Variants in OCA2 observed in about 807,000 individuals in gnomAD.
The protein encoded by OCA2 is P protein.
OCA2 carries 77 observed loss-of-function variants against 100.2 expected under a neutral mutation model. That is an observed-to-expected ratio of 0.77 (90% CI 0.64 to 0.93). The LOEUF (loss-of-function observed/expected upper bound fraction) is 0.93, where lower values mean the gene tolerates loss of function less well. OCA2 is among the 40% of genes least tolerant of loss of function. The pLI is 0.00. For synonymous variants in OCA2, 432 were observed against 439.2 expected (o/e 0.98, Z 0.21); for missense variants, 1,062 against 1,089.1 (o/e 0.98, Z 0.35).
intron 11 of OCA2, among the ~76,000 whole-genome samples, chr15:27,987,448 G>A (rs1193796288): frequency 2.6e-5 from 4 of 152,078 alleles, no homozygotes; most frequent in African/African-American, 4.8e-5. Context: ...GGCTGGGTGT[G>A]GTGGCTCACG....
chr15:27,814,160 T>C (rs2151233005), intron 23 of OCA2, among the ~76,000 whole-genome samples: 1 of 152,334 alleles, frequency 6.6e-6, no homozygotes, highest in South Asian at 2.1e-4. Context: ...TATTTAACTA[T>C]GTATTTGTAC....
At chr15:27,815,700 C>T (rs550704759) in intron 23 of OCA2, among the ~76,000 whole-genome samples, 5 of 152,326 alleles carry the variant, frequency 3.3e-5, no homozygotes, top group African/African-American at 1.2e-4. Context: ...CATGTGACCA[C>T]GAGTGAGTGG....
At chr15:27,936,604 C>T (rs1191538727) in intron 18 of OCA2, among the ~76,000 whole-genome samples, 1 of 152,160 alleles carries the variant, frequency 6.6e-6, no homozygotes, top group Non-Finnish European at 1.5e-5. Flanking sequence ...GTGTGTATTA[C>T]CTGATTCAAT....
chr15:27,866,377 A>T (rs72710557), intron 21 of OCA2, among the ~76,000 whole-genome samples: 1 of 152,172 alleles, frequency 6.6e-6, no homozygotes, highest in East Asian at 1.9e-4. Context: ...GGAGGTGCAC[A>T]GCTAGGGTCT....
At chr15:27,988,296 G>A (rs2041429614) in intron 11 of OCA2, among the ~76,000 whole-genome samples, 1 of 151,844 alleles carries the variant, frequency 6.6e-6, no homozygotes, top group Non-Finnish European at 1.5e-5. Flanking sequence ...AAAACGTGCT[G>A]AAGCCATTTT....
At chr15:27,763,579 T>TG (rs2031010730) in intron 23 of OCA2, among the ~76,000 whole-genome samples, 1 of 152,208 alleles carries the variant, frequency 6.6e-6, no homozygotes, top group Non-Finnish European at 1.5e-5. Context: ...TGGGCAATGA[T>TG]GCGGCTGCTG....
At chr15:28,034,497 C>T (rs2042992731) in intron 2 of OCA2, among the ~76,000 whole-genome samples, 3 of 152,060 alleles carry the variant, frequency 2.0e-5, no homozygotes, top group Admixed American at 2.0e-4. Flanking sequence ...AATAATGAGC[C>T]GGGCACAGTG....
At chr15:27,886,013 GGGAAGGCTGCCCTGA>G (rs1165390169) in intron 19 of OCA2, among the ~76,000 whole-genome samples, 2 of 152,196 alleles carry the variant, frequency 1.3e-5, no homozygotes, top group Non-Finnish European at 2.9e-5. Context: ...CGCAGGGCCA[GGGAAGGCTGCCCTGA>G]GGATGGATAT....
chr15:27,989,076 G>T (rs1043544385), intron 11 of OCA2, among the ~76,000 whole-genome samples: 1 of 152,166 alleles, frequency 6.6e-6, no homozygotes, highest in African/African-American at 2.4e-5. Flanking sequence ...GGCTCCACTG[G>T]TTCTAGTTAA....
intron 1 of OCA2, among the ~76,000 whole-genome samples, chr15:28,097,062 C>A (rs2044999179): frequency 6.6e-6 from 1 of 152,212 alleles, no homozygotes; most frequent in Non-Finnish European, 1.5e-5. Context: ...TCCCTTCGCC[C>A]ATCCTGCAGG....
chr15:28,011,729 A>G (rs564540155), intron 9 of OCA2, among the ~76,000 whole-genome samples: 3 of 152,050 alleles, frequency 2.0e-5, no homozygotes, highest in African/African-American at 7.2e-5. Flanking sequence ...CAGCCTGGCC[A>G]ACATGGTAAA....
intron 21 of OCA2, among the ~76,000 whole-genome samples, chr15:27,870,600 T>C (rs2036507557): frequency 6.6e-6 from 1 of 151,820 alleles, no homozygotes; most frequent in South Asian, 2.1e-4. Context: ...CTGGTTAGAA[T>C]AGCTTTTGCC....
At chr15:27,913,860 AAAG>A (rs2038513565) in intron 19 of OCA2, among the ~76,000 whole-genome samples, 1 of 47,160 alleles carries the variant, frequency 2.1e-5, no homozygotes, top group Non-Finnish European at 3.7e-5. Flanking sequence ...AGAAAGAAAG[AAAG>A]AAAGAAAGAA....
intron 9 of OCA2, among the ~76,000 whole-genome samples, chr15:28,008,872 C>A (rs2042159361): frequency 6.6e-6 from 1 of 152,172 alleles, no homozygotes; most frequent in Admixed American, 6.5e-5. Flanking sequence ...TGCAAGCCAC[C>A]CCAAGACTCC....
intron 18 of OCA2, among the ~76,000 whole-genome samples, chr15:27,930,736 A>G (rs961350514): frequency 6.6e-6 from 1 of 151,514 alleles, no homozygotes; most frequent in African/African-American, 2.4e-5. Flanking sequence ...GCGAGTATCA[A>G]GAGGCTCAAG....
chr15:28,041,379 C>T (rs1442938951), intron 2 of OCA2, among the ~76,000 whole-genome samples: 1 of 151,076 alleles, frequency 6.6e-6, no homozygotes, highest in African/African-American at 2.4e-5. Context: ...ACTACTGTAA[C>T]ATAATAAAGA....
At chr15:28,024,719 T>G in intron 5 of OCA2, 126 bp downstream of exon 5, 1 of 1,002,950 alleles carries the variant, frequency 1.0e-6, no homozygotes, top group Non-Finnish European at 1.6e-6. Flanking sequence ...CCAAAGACAG[T>G]CAGAGAATCA....
At chr15:27,814,494 A>G (rs1422580161) in intron 23 of OCA2, among the ~76,000 whole-genome samples, 1 of 152,234 alleles carries the variant, frequency 6.6e-6, no homozygotes, top group Non-Finnish European at 1.5e-5. Flanking sequence ...TGAAACTACT[A>G]AAGTATGAGG....
chr15:27,798,244 T>C (rs6497233), intron 23 of OCA2, among the ~76,000 whole-genome samples: 111,170 of 152,144 alleles, frequency 0.73, 41,972 homozygotes, highest in East Asian at 1. Context: ...TTCCTCTTCT[T>C]GGCTCACAGG....
Sources: gnomAD v4.1 joint callset for allele counts (sites outside exome capture counted in the v4.1 genomes callset) on GRCh38, gnomAD v4.1.1 for gene constraint, MANE v1.5 for transcripts, NCBI Gene and HGNC (gene_info 2026-07-23, HGNC 2026-07-21) for gene names.